Variants in PRKN observed in about 807,000 individuals in gnomAD.
The protein encoded by PRKN is parkin RBR E3 ubiquitin protein ligase.
Under a neutral mutation model 59.5 loss-of-function variants are expected in PRKN, and 56 were observed. The ratio of observed to expected loss-of-function variants is 0.94; its 90% confidence interval spans 0.76 to 1.18. The LOEUF is 1.18. Ranked by LOEUF, PRKN falls within the 50% of genes most tolerant of loss-of-function variation. The probability of loss-of-function intolerance (pLI) is 0.00; values close to 1 mark genes in which losing one functional copy is unlikely to be tolerated. For synonymous variants in PRKN, 250 were observed against 222.1 expected (o/e 1.13, Z -1.12); for missense variants, 657 against 596.4 (o/e 1.10, Z -1.06).
At chr6:161,839,230 C>T (rs1360881281) in intron 6 of PRKN, among the ~76,000 whole-genome samples, 1 of 151,934 alleles carries the variant, frequency 6.6e-6, no homozygotes, top group Non-Finnish European at 1.5e-5. Flanking sequence ...AGAAAGGTGC[C>T]CCTGAGGGAA....
intron 5 of PRKN, among the ~76,000 whole-genome samples, chr6:162,019,030 T>C (rs530656052): frequency 3.3e-5 from 5 of 152,314 alleles, no homozygotes; most frequent in South Asian, 2.1e-4. Context: ...TTCTAGAACT[T>C]TGGTGATCAA....
At position 162,387,650 on chromosome 6, in the gene PRKN, C is replaced by A. The variant is rs533371328; in HGVS notation, c.171+55660G>T. On this transcript the variant is annotated intron_variant, in intron 2 of 11. Transcript: ENST00000366898. Reference sequence around the variant, plus strand: ...GCAAATAGTCCCTAAGGTTCTTAGCCAAGGTGTGTACCTCAAAGTCTAAAG... The same window carrying A: ...GCAAATAGTCCCTAAGGTTCTTAGCAAAGGTGTGTACCTCAAAGTCTAAAG... 3.3e-5 allele frequency among the ~76,000 whole-genome samples: 5 copies of A among 149,690 alleles called. 1 individual carries two copies. The South Asian group carries it at 1.1e-3, about 32-fold the overall frequency.
At chr6:161,583,510 T>G (rs1781419951) in intron 7 of PRKN, among the ~76,000 whole-genome samples, 1 of 152,156 alleles carries the variant, frequency 6.6e-6, no homozygotes, top group Non-Finnish European at 1.5e-5. Flanking sequence ...TATTTACAAT[T>G]CCCTTTTTAA....
intron 4 of PRKN, among the ~76,000 whole-genome samples, chr6:162,126,033 A>G (rs1428984536): frequency 6.6e-6 from 1 of 152,198 alleles, no homozygotes; most frequent in Admixed American, 6.5e-5. Context: ...GTAGATTATG[A>G]TGTCTAACAG....
intron 4 of PRKN, among the ~76,000 whole-genome samples, chr6:162,118,437 G>T (rs998772928): frequency 6.6e-6 from 1 of 152,136 alleles, no homozygotes; most frequent in African/African-American, 2.4e-5. Context: ...ACATTAAAAA[G>T]AAGTAAACAT....
intron 2 of PRKN, among the ~76,000 whole-genome samples, chr6:162,297,316 G>A (rs866142397): frequency 6.6e-6 from 1 of 151,860 alleles, no homozygotes; most frequent in Non-Finnish European, 1.5e-5. Context: ...AATGGCATCC[G>A]TTACAAGATC....
intron 1 of PRKN, among the ~76,000 whole-genome samples, chr6:162,579,930 C>A (rs955659457): frequency 6.6e-6 from 1 of 152,138 alleles, no homozygotes; most frequent in African/African-American, 2.4e-5. Flanking sequence ...ATGGGTGATA[C>A]CCCACAACAC....
chr6:161,523,206 T>C (rs578145253), intron 9 of PRKN, among the ~76,000 whole-genome samples: 2 of 152,322 alleles, frequency 1.3e-5, no homozygotes, highest in African/African-American at 4.8e-5. Context: ...ATAATATTTT[T>C]GATAGGAATT....
intron 1 of PRKN, among the ~76,000 whole-genome samples, chr6:162,599,361 AC>A (rs2128216225): frequency 6.6e-6 from 1 of 152,174 alleles, no homozygotes; most frequent in Non-Finnish European, 1.5e-5. Flanking sequence ...AGGAAAGTCC[AC>A]CCGACCTCAC....
rs115371929 is a variant in PRKN, at chr6:161,811,038, C to T, written c.735-25130G>A. 6.9e-3 allele frequency among the ~76,000 whole-genome samples: 1,044 copies of T among 152,118 alleles called. 14 individuals are homozygous for T. The highest frequency in any genetic ancestry group is 0.024 in the African/African-American group (995 of 41,486). ...TAATTCTCAAAATGATCTGTAGATTCGAAATAATCCCTTTTGAAATATCAT... is the reference window on the plus strand; with the variant it reads ...TAATTCTCAAAATGATCTGTAGATTTGAAATAATCCCTTTTGAAATATCAT... On this transcript the variant is annotated intron_variant, in intron 6 of 11. Transcript: ENST00000366898.
Position 161,444,159 on chromosome 6 carries a change from C to T in PRKN, c.1084-57282G>A, listed in dbSNP as rs889134411. Among the ~76,000 whole-genome samples, 9 of 152,180 alleles carry T rather than the reference C, an allele frequency of 5.9e-5. No individual in the cohort carries two copies. The highest frequency in any genetic ancestry group is 1.2e-4 in the Non-Finnish European group (8 of 68,032). ...CCAGGCCAGGCCCAGCGGGTGGGAGCTGCAGATACCACTTCTCCAGGACCC... is the reference window on the plus strand; with the variant it reads ...CCAGGCCAGGCCCAGCGGGTGGGAGTTGCAGATACCACTTCTCCAGGACCC... On this transcript the variant is annotated intron_variant, in intron 9 of 11. Transcript: ENST00000366898. This position sits in a 1 kb window ranked among gnomAD's most constrained non-coding sequence, Gnocchi z 5.6.
chr6:162,304,446 A>G (rs1461088199), intron 2 of PRKN, among the ~76,000 whole-genome samples: 1 of 150,766 alleles, frequency 6.6e-6, no homozygotes, highest in Non-Finnish European at 1.5e-5. Context: ...CTTGGAACCA[A>G]AAACTTTCCA....
chr6:162,038,925 C>T (rs1439151613), intron 5 of PRKN, among the ~76,000 whole-genome samples: 5 of 152,118 alleles, frequency 3.3e-5, no homozygotes, highest in East Asian at 1.9e-4. Flanking sequence ...GAGGCTGAGG[C>T]GGGTGGATCA....
chr6:162,071,692 G>C (rs1251611623), intron 4 of PRKN, among the ~76,000 whole-genome samples: 2 of 151,728 alleles, frequency 1.3e-5, no homozygotes, highest in Non-Finnish European at 2.9e-5. Flanking sequence ...TGCCTGCCGG[G>C]TTCAAGTGAT....
chr6:161,626,192 G>A lies in PRKN; in HGVS notation c.872-56776C>T, dbSNP rs116459659. 3.3e-3 allele frequency among the ~76,000 whole-genome samples: 497 copies of A among 152,266 alleles called. 3 individuals carry two copies. Among genetic ancestry groups the A allele is most frequent in the African/African-American group, 0.012 (484 of 41,560 alleles). ...TCCAACTCCTTACTGTTTGGTGAAC[G>A]AATAAGGAGGGAACCAGCCTGTTTT... is the stretch of plus-strand genomic sequence containing the variant. On this transcript the variant is annotated intron_variant, in intron 7 of 11. Transcript: ENST00000366898.
intron 6 of PRKN, among the ~76,000 whole-genome samples, chr6:161,909,614 C>T (rs1778280499): frequency 2.0e-5 from 3 of 152,236 alleles, no homozygotes; most frequent in East Asian, 3.9e-4. Flanking sequence ...GTGGCACTGA[C>T]GCAGCCTCCA....
At chr6:161,791,467 G>A (rs1020549625) in intron 6 of PRKN, among the ~76,000 whole-genome samples, 3 of 152,142 alleles carry the variant, frequency 2.0e-5, no homozygotes, top group African/African-American at 7.2e-5. Context: ...CACCTTGTTT[G>A]TTCTCTCTCA....
chr6:161,692,961 AAAAAG>A (rs1267439970), intron 7 of PRKN, among the ~76,000 whole-genome samples: 1 of 150,874 alleles, frequency 6.6e-6, no homozygotes, highest in Non-Finnish European at 1.5e-5. Flanking sequence ...AAAAAAAAAA[AAAAAG>A]AAAAAAGTGG....
At chr6:162,512,449 A>G (rs148602910) in intron 1 of PRKN, among the ~76,000 whole-genome samples, 1 of 152,318 alleles carries the variant, frequency 6.6e-6, no homozygotes, top group East Asian at 1.9e-4. Context: ...TTTCAGCTAA[A>G]TCAATAACTG....
Sources: gnomAD v4.1 joint callset for allele counts (sites outside exome capture counted in the v4.1 genomes callset) on GRCh38, gnomAD v4.1.1 for gene constraint, Gnocchi (gnomAD v3.1) non-coding constraint, MANE v1.5 for transcripts, NCBI Gene and HGNC (gene_info 2026-07-23, HGNC 2026-07-21) for gene names.